C5: variants seen among roughly 807,000 people sequenced by gnomAD.
The protein encoded by C5 is C3 and PZP-like alpha-2-macroglobulin domain-containing protein 4.
In C5, 140 loss-of-function variants were observed where a neutral mutation model predicts 218.8. The ratio of observed to expected loss-of-function variants is 0.64; its 90% confidence interval spans 0.56 to 0.74. The LOEUF (loss-of-function observed/expected upper bound fraction) is 0.74, where lower values mean the gene tolerates loss of function less well. Among genes scored for constraint, C5 ranks in the 30% least tolerant of loss-of-function variants. The probability of loss-of-function intolerance (pLI) is 0.00; values close to 1 mark genes in which losing one functional copy is unlikely to be tolerated. For missense variants in C5, 1,700 were observed against 1,969.6 expected (o/e 0.86, Z 2.59); for synonymous variants, 614 against 682.3 (o/e 0.90, Z 1.56).
At chr9:121,050,284 T>C, upstream of C5, 1 of 1,477,732 alleles carries the variant, frequency 6.8e-7, no homozygotes, top group Non-Finnish European at 9.5e-7. Flanking sequence ...ATAACACTTT[T>C]GAGGATAGTC....
rs376481460 is a variant in C5 at position 120,996,608 on chromosome 9, G to A, written c.2791-308C>T. Among the ~76,000 whole-genome samples, 67 of 152,210 alleles carry A rather than the reference G, an allele frequency of 4.4e-4. 1 individual carries two copies. The highest frequency in any genetic ancestry group is 1.5e-3 in the African/African-American group (63 of 41,522). On this transcript the variant is annotated intron_variant, in intron 21 of 40. Transcript: ENST00000223642. ...GTTGGTGCTGTTATTACTCCCATTC[G>A]ACAGATGAGGAGACTGACACACATG...
intron 20 of C5, among the ~76,000 whole-genome samples, chr9:121,004,526 T>C (rs10739583): frequency 0.61 from 92,408 of 152,056 alleles, 28,375 homozygotes; most frequent in East Asian, 0.81. Flanking sequence ...GTAATCCCAG[T>C]ACTTTGGGAA....
chr9:121,022,929 T>C (rs1378564672), intron 10 of C5, among the ~76,000 whole-genome samples: 1 of 151,904 alleles, frequency 6.6e-6, no homozygotes, highest in Non-Finnish European at 1.5e-5. Context: ...GACGAGAGAT[T>C]GAACAGAGTT....
intron 25 of C5, among the ~76,000 whole-genome samples, chr9:120,984,714 C>CTT (rs149222003): frequency 1.1e-3 from 78 of 69,192 alleles, no homozygotes; most frequent in African/African-American, 2.6e-3. Flanking sequence ...TAAGCTCTTA[C>CTT]TTTTTTTTTT....
In C5 at chr9:121,037,932, C is replaced by G; in HGVS notation, c.441G>C (p.Ser147=). Residue 147 remains serine, a synonymous_variant, in exon 4 of 41, where the codon TCG becomes TCC. Transcript: ENST00000223642. ...PDQSVKVRVY[S]LNDDLKPAKR... is the part of the protein sequence containing the mutation. ...TGGCTGGCTTCAAGTCGTCATTCAA[C>G]GAATAAACTCTAACTTTTACTGTAA... The G allele has an allele frequency of 6.6e-7, 1 of 1,516,628 alleles. No individual in the cohort carries two copies. The highest frequency in any genetic ancestry group is 9.1e-7 in the Non-Finnish European group (1 of 1,104,376). 93.9% of individuals were successfully genotyped at this position (1,516,628 alleles called of 1,614,324 possible). A position where few individuals can be genotyped will look rare whatever the true frequency, so the allele number is the denominator to read the frequency against.
Position 121,006,989 on chromosome 9 carries a change from A to T in C5, c.2349-12T>A. 6.3e-7 allele frequency: 1 copy of T among 1,591,254 alleles called. No homozygotes were observed. Among genetic ancestry groups the T allele is most frequent in the Non-Finnish European group, 8.6e-7 (1 of 1,159,188 alleles). The stretch of plus-strand genomic sequence containing the variant: ...ACTGCAACTGTTTTCTGGAAGTTAA[A>T]ATGTTGATATTCAAATACAGTGGAA... On this transcript the variant is annotated splice_polypyrimidine_tract_variant and intron_variant, in intron 18 of 40. Transcript: ENST00000223642.
chr9:121,020,961 G>A (rs1033890643), intron 11 of C5, among the ~76,000 whole-genome samples: 1 of 152,220 alleles, frequency 6.6e-6, no homozygotes, highest in Non-Finnish European at 1.5e-5. Context: ...ATGACAGTGA[G>A]CATATGCATG....
At chr9:121,038,445 G>A (rs988528196) in intron 3 of C5, among the ~76,000 whole-genome samples, 1 of 152,146 alleles carries the variant, frequency 6.6e-6, no homozygotes, top group African/African-American at 2.4e-5. Context: ...AGCTCTTATT[G>A]CAAAAGGCAG....
intron 36 of C5, 109 bp downstream of exon 36, chr9:120,962,562 C>T: frequency 1.2e-6 from 1 of 847,050 alleles, no homozygotes. Flanking sequence ...GAAGAGTGGT[C>T]CCTAAGAGAG....
At chr9:120,978,048 T>A (rs2131692841) in intron 28 of C5, among the ~76,000 whole-genome samples, 1 of 152,268 alleles carries the variant, frequency 6.6e-6, no homozygotes, top group East Asian at 1.9e-4. Flanking sequence ...GAGAACCTTT[T>A]TCCTGATAGG....
chr9:121,043,681 C>T (rs960454782), intron 2 of C5, among the ~76,000 whole-genome samples: 6 of 151,034 alleles, frequency 4.0e-5, no homozygotes, highest in Non-Finnish European at 7.4e-5. Context: ...TACAGGTGTG[C>T]GCCACCATGT....
At position 121,021,626 on chromosome 9, in the gene C5, A is replaced by G; in HGVS notation, c.1185T>C (p.Ile395=). 1 of 1,613,870 alleles carries G rather than the reference A, an allele frequency of 6.2e-7. No individual in the cohort carries two copies. Among genetic ancestry groups the G allele is most frequent in the East Asian group, 2.2e-5 (1 of 44,854 alleles). The change falls in exon 11 of 41, where the codon ATT becomes ATC. Residue 395 remains isoleucine, a synonymous_variant. Transcript: ENST00000223642. ...GVPVTLNAQT[I]DVNQETSDLD... Reference sequence around the variant, plus strand: ...AGTCAGATGTCTCTTGGTTTACATCAATTGTTTGTGCATTCAGTGTTACTG... The same window carrying G: ...AGTCAGATGTCTCTTGGTTTACATCGATTGTTTGTGCATTCAGTGTTACTG...
intron 10 of C5, among the ~76,000 whole-genome samples, chr9:121,022,259 A>G (rs1302687756): frequency 1.3e-5 from 2 of 151,880 alleles, no homozygotes; most frequent in African/African-American, 2.4e-5. Context: ...AAACAAAAAT[A>G]GATACACCTT....
intron 38 of C5, among the ~76,000 whole-genome samples, chr9:120,959,135 C>T (rs571954038): frequency 6.6e-6 from 1 of 152,182 alleles, no homozygotes; most frequent in East Asian, 1.9e-4. Flanking sequence ...AGAACCCTTT[C>T]CATTGCAATG....
Position 120,993,421 on chromosome 9 carries a change from T to TTATA in C5, c.2852-2145_2852-2142dup, listed in dbSNP as rs71370608. ...ATTAAGTATACCTATAACAATAGAGTTATATATATATATATTTTTGAGACG... is the reference window on the plus strand; with the variant it reads ...ATTAAGTATACCTATAACAATAGAGTTATATATATATATATATATTTTTGAGACG... On this transcript the variant is annotated intron_variant, in intron 22 of 40. Coordinates refer to ENST00000223642, the MANE Select transcript of C5 (RefSeq NM_001735.3). Among the ~76,000 whole-genome samples the TTATA allele has an allele frequency of 6.1e-4, 92 of 150,948 alleles. 1 individual carries two copies. Among genetic ancestry groups the TTATA allele is most frequent in the Admixed American group, 4.7e-3 (71 of 15,124 alleles).
chr9:121,037,761 G>A, intron 4 of C5, 120 bp downstream of exon 4: 1 of 551,568 alleles, frequency 1.8e-6, no homozygotes, highest in South Asian at 2.9e-5. Context: ...CATTGCAGAT[G>A]TTCAATAACC....
intron 17 of C5, among the ~76,000 whole-genome samples, chr9:121,009,507 C>A (rs572446250): frequency 3.9e-5 from 6 of 152,260 alleles, no homozygotes; most frequent in Admixed American, 6.5e-5. Context: ...GAGGGGGCTG[C>A]AGAGAGAGAC....
chr9:121,060,673 A>G, the C5 span, among the ~76,000 whole-genome samples: 1 of 142,918 alleles, frequency 7.0e-6, no homozygotes, highest in Admixed American at 7.0e-5. Flanking sequence ...TCCCCACCCC[A>G]CCCAGCTGAC....
intron 31 of C5, among the ~76,000 whole-genome samples, chr9:120,970,631 T>A (rs892092003): frequency 6.6e-6 from 1 of 152,184 alleles, no homozygotes; most frequent in African/African-American, 2.4e-5. Context: ...CACGCCATCA[T>A]GGCAAACAAC....
Sources: allele counts gnomAD v4.1 joint callset (sites outside exome capture counted in the v4.1 genomes callset), GRCh38; gene constraint gnomAD v4.1.1; transcripts MANE v1.5; gene names NCBI Gene and HGNC (gene_info 2026-07-23, HGNC 2026-07-21).